CLCA4: variants seen among roughly 807,000 people sequenced by gnomAD.
CLCA4 encodes the protein chloride channel accessory 4.
In CLCA4, 69 loss-of-function variants were observed where a neutral mutation model predicts 78.9. That is an observed-to-expected ratio of 0.87 (90% CI 0.72 to 1.07). CLCA4 has a LOEUF of 1.07. Ranked by LOEUF, CLCA4 falls within the 50% of genes least tolerant of loss-of-function variation. The probability of loss-of-function intolerance (pLI) is 0.00; values close to 1 mark genes in which losing one functional copy is unlikely to be tolerated. For synonymous variants in CLCA4, 362 were observed against 375.8 expected (o/e 0.96, Z 0.42); for missense variants, 1,133 against 1,095.8 (o/e 1.03, Z -0.48).
At position 86,579,536 on chromosome 1, in the gene CLCA4, A is replaced by G. The variant is rs752259305; in HGVS notation, c.2305A>G (p.Lys769Glu). 2.4e-5 allele frequency: 39 copies of G among 1,613,050 alleles called. No homozygotes were observed. Among genetic ancestry groups the G allele is most frequent in the Admixed American group, 1.0e-4 (6 of 59,910 alleles). ...CCTTGATGCCACAGTTCATGAGGAT[A>G]AGATTATTCTTACATGGACAGCACC... is the stretch of plus-strand genomic sequence containing the variant. ...TDLDATVHED[K>E]IILTWTAPGD... Residue 769 changes from lysine (K) to glutamate (E), a missense_variant, in exon 13 of 14, where the codon AAG becomes GAG. Physicochemically the swap from Lys to Glu is moderately conservative, Grantham distance 56. Coordinates refer to ENST00000370563, the MANE Select transcript of CLCA4 (RefSeq NM_012128.4).
rs1216558115 is a variant in CLCA4, at chr1:86,571,010, CA to C, written c.1183-66del. The C allele has an allele frequency of 5.1e-6, 6 of 1,179,506 alleles. No individual in the cohort carries two copies. In the African/African-American group the frequency reaches 9.1e-5, roughly 18 times the overall value. The allele number at this position is 1,179,506 out of a possible 1,614,324, so 73.1% of individuals were successfully genotyped here. A position where few individuals can be genotyped will look rare whatever the true frequency, so the allele number is the denominator to read the frequency against. The stretch of plus-strand genomic sequence containing the variant: ...TTTATTTTCTCTGTAAATTTTTTCT[CA>C]TTTCCCATTTGTCTATTTGATCTAG... On this transcript the variant is annotated intron_variant, in intron 7 of 13. Transcript: ENST00000370563.
intron 10 of CLCA4, among the ~76,000 whole-genome samples, chr1:86,575,016 G>T (rs1423205964): frequency 1.3e-5 from 2 of 152,010 alleles, no homozygotes; most frequent in Non-Finnish European, 2.9e-5. Flanking sequence ...ATGCAAATTG[G>T]TGGGTAGAGA....
chr1:86,575,425 C>T lies in CLCA4; in HGVS notation c.1777C>T (p.Pro593Ser). 1 of 1,613,446 alleles carries T rather than the reference C, an allele frequency of 6.2e-7. No homozygotes were observed. The change falls in exon 11 of 14, where the codon CCA becomes TCA. Residue 593 changes from proline (P) to serine (S), a missense_variant. Transcript: ENST00000370563. ...TSRAANSSVP[P>S]ITVNAKMNKD... Reference sequence around the variant, plus strand: ...TCGAGCAGCAAATTCTTCTGTGCCTCCAATCACAGTGAATGCTAAAATGAA... The same window carrying T: ...TCGAGCAGCAAATTCTTCTGTGCCTTCAATCACAGTGAATGCTAAAATGAA...
chr1:86,571,418 C>T (rs1438368206), intron 8 of CLCA4, 164 bp downstream of exon 8: 2 of 543,176 alleles, frequency 3.7e-6, no homozygotes, highest in Non-Finnish European at 6.5e-6. Context: ...GCTGGAGAGA[C>T]AAATAAAACT....
Position 86,580,025 on chromosome 1 carries a change from G to A in CLCA4, c.2440G>A (p.Asp814Asn). ...TGATGCTCTTCAAGTAAATACTACTGATCTGTCACCAAAGGAGGCCAACTC... is the reference window on the plus strand; with the variant it reads ...TGATGCTCTTCAAGTAAATACTACTAATCTGTCACCAAAGGAGGCCAACTC... Reference protein sequence around the residue: ...FDDALQVNTTDLSPKEANSKE... With the variant: ...FDDALQVNTTNLSPKEANSKE... Residue 814 changes from aspartate to asparagine, a missense_variant, in exon 14 of 14, where the codon GAT becomes AAT. Coordinates refer to ENST00000370563, the MANE Select transcript of CLCA4 (RefSeq NM_012128.4). 1 of 1,611,200 alleles carries A rather than the reference G, an allele frequency of 6.2e-7. No homozygotes were observed. Among genetic ancestry groups the A allele is most frequent in the South Asian group, 1.1e-5 (1 of 90,992 alleles).
At position 86,580,148 on chromosome 1, in the gene CLCA4, T is replaced by C; in HGVS notation, c.2563T>C (p.Ser855Pro). ...AAGTATAGATAAAAGCAATTTGACA[T>C]CAAAAGTATCCAACATTGCACAAGT... ...IKSIDKSNLT[S>P]KVSNIAQVTL... is the part of the protein sequence containing the mutation. The change falls in exon 14 of 14, where the codon TCA (serine) becomes CCA (proline). Residue 855 changes from serine (S) to proline (P), a missense_variant. Transcript: ENST00000370563. The C allele has an allele frequency of 1.2e-6, 2 of 1,612,820 alleles. No homozygotes were observed. Among genetic ancestry groups the C allele is most frequent in the African/African-American group, 1.3e-5 (1 of 74,954 alleles).
chr1:86,567,962 G>A (rs1650249769), intron 7 of CLCA4, among the ~76,000 whole-genome samples: 1 of 152,000 alleles, frequency 6.6e-6, no homozygotes, highest in Non-Finnish European at 1.5e-5. Context: ...AAGTGTGCTT[G>A]GATGCAAAAG....
rs1316559105 is a variant in CLCA4, at chr1:86,560,356, C to T, written c.446C>T (p.Pro149Leu). ...LGKKQNEYGP[P>L]GKLFVHEWAH... is the part of the protein sequence containing the mutation. Reference sequence around the variant, plus strand: ...AAAAAACAAAATGAATATGGACCACCAGGTAGAAATTTTGGTTAAAAAATA... The same window carrying T: ...AAAAAACAAAATGAATATGGACCACTAGGTAGAAATTTTGGTTAAAAAATA... The change falls in exon 3 of 14, where the codon CCA becomes CTA. Residue 149 changes from proline to leucine, a missense_variant and splice_region_variant. Transcript: ENST00000370563. 6.2e-7 allele frequency: 1 copy of T among 1,613,052 alleles called. No homozygotes were observed. The highest frequency in any genetic ancestry group is 1.3e-5 in the African/African-American group (1 of 74,974).
intron 9 of CLCA4, among the ~76,000 whole-genome samples, chr1:86,573,861 T>C (rs748555892): frequency 1.3e-4 from 20 of 152,082 alleles, no homozygotes; most frequent in Non-Finnish European, 2.2e-4. Flanking sequence ...AGAAACCCGC[T>C]ATACAATATA....
chr1:86,567,379 TC>T (rs773778202), intron 6 of CLCA4, 44 bp from the exon 7 acceptor site: 1 of 1,463,498 alleles, frequency 6.8e-7, no homozygotes, highest in Non-Finnish European at 9.4e-7. Context: ...TCTATTATTT[TC>T]CAGTCAAAAT....
At chr1:86,566,838 G>A (rs1038249562) in intron 6 of CLCA4, among the ~76,000 whole-genome samples, 5 of 152,004 alleles carry the variant, frequency 3.3e-5, no homozygotes, top group African/African-American at 7.2e-5. Context: ...GGTCCTGAGG[G>A]TTACCAAAGA....
chr1:86,567,577 A>G lies in CLCA4; in HGVS notation c.1108A>G (p.Thr370Ala), dbSNP rs774574820. 1 of 1,613,468 alleles carries G rather than the reference A, an allele frequency of 6.2e-7. No individual in the cohort carries two copies. Among genetic ancestry groups the G allele is most frequent in the Non-Finnish European group, 8.5e-7 (1 of 1,179,514 alleles). Reference sequence around the variant, plus strand: ...AATAAAAAGCAGTGATGAAAGAAACACACTCATGGCAGGATTACCTACATA... The same window carrying G: ...AATAAAAAGCAGTGATGAAAGAAACGCACTCATGGCAGGATTACCTACATA... ...IQIKSSDERN[T>A]LMAGLPTYPL... The change falls in exon 7 of 14, where the codon ACA becomes GCA. Residue 370 changes from threonine to alanine, a missense_variant. Physicochemically the swap from Thr to Ala is moderately conservative, Grantham distance 58. Coordinates refer to ENST00000370563, the MANE Select transcript of CLCA4 (RefSeq NM_012128.4).
intron 1 of CLCA4, among the ~76,000 whole-genome samples, chr1:86,554,907 A>G (rs928050519): frequency 6.6e-6 from 1 of 151,128 alleles, no homozygotes; most frequent in African/African-American, 2.4e-5. Context: ...AACTGGTATG[A>G]GATGATATCT....
At chr1:86,578,965 T>C (rs531115732) in intron 12 of CLCA4, among the ~76,000 whole-genome samples, 1 of 152,038 alleles carries the variant, frequency 6.6e-6, no homozygotes, top group African/African-American at 2.4e-5. Context: ...AATTATTCCT[T>C]AGCACTTGCA....
chr1:86,555,397 A>T (rs1402904976), intron 1 of CLCA4, among the ~76,000 whole-genome samples: 9 of 152,134 alleles, frequency 5.9e-5, no homozygotes, highest in Admixed American at 4.6e-4. Flanking sequence ...TAAGGAAGGG[A>T]TCCAGCTTCA....
chr1:86,552,047 C>CA (rs765415934), intron 1 of CLCA4, among the ~76,000 whole-genome samples: 54 of 151,292 alleles, frequency 3.6e-4, no homozygotes, highest in Middle Eastern at 3.4e-3. Flanking sequence ...ATGCCCACTG[C>CA]AAAAAAAATC....
intron 1 of CLCA4, among the ~76,000 whole-genome samples, chr1:86,558,062 A>G (rs992911075): frequency 1.3e-5 from 2 of 149,438 alleles, no homozygotes; most frequent in African/African-American, 5.0e-5. Flanking sequence ...CCATCTTTTT[A>G]TTTTGAGCCT....
Position 86,574,530 on chromosome 1 carries a change from A to C in CLCA4, c.1468-10A>C. On this transcript the variant is annotated splice_polypyrimidine_tract_variant and intron_variant, in intron 9 of 13. Transcript: ENST00000370563. Reference sequence around the variant, plus strand: ...TCTGCAGTCATTAATTTTGAAATCTATTTAAACAGCTCGAAAGTAAGGGAT... The same window carrying C: ...TCTGCAGTCATTAATTTTGAAATCTCTTTAAACAGCTCGAAAGTAAGGGAT... The C allele has an allele frequency of 6.2e-7, 1 of 1,604,476 alleles. No homozygotes were observed. The highest frequency in any genetic ancestry group is 8.5e-7 in the Non-Finnish European group (1 of 1,171,718).
At position 86,580,139 on chromosome 1, in the gene CLCA4, A is replaced by G; in HGVS notation, c.2554A>G (p.Asn852Asp). 6.2e-7 allele frequency: 1 copy of G among 1,612,680 alleles called. No individual in the cohort carries two copies. Among genetic ancestry groups the G allele is most frequent in the Non-Finnish European group, 8.5e-7 (1 of 1,179,226 alleles). ...FIAIKSIDKS[N>D]LTSKVSNIAQ... ...TGCCATTAAAAGTATAGATAAAAGC[A>G]ATTTGACATCAAAAGTATCCAACAT... is the stretch of plus-strand genomic sequence containing the variant. Residue 852 changes from asparagine to aspartate, a missense_variant, in exon 14 of 14, where the codon AAT (asparagine) becomes GAT (aspartate). Transcript: ENST00000370563.
Sources: allele counts gnomAD v4.1 joint callset (sites outside exome capture counted in the v4.1 genomes callset), GRCh38; gene constraint gnomAD v4.1.1; transcripts MANE v1.5; gene names NCBI Gene and HGNC (gene_info 2026-07-23, HGNC 2026-07-21).